The following OGT variants were observed in gnomAD, a reference collection of about 807,000 sequenced individuals.
OGT encodes the protein UDP-N-acetylglucosamine--peptide N-acetylglucosaminyltransferase 110 kDa subunit.
A neutral mutation model predicts 75.8 loss-of-function variants in OGT; 3 were observed. That is an observed-to-expected ratio of 0.04 (90% confidence interval 0.02 to 0.10). The LOEUF is 0.10. Among genes scored for constraint, OGT ranks in the 10% least tolerant of loss-of-function variants. The probability of loss-of-function intolerance (pLI) is 1.00; values close to 1 mark genes in which losing one functional copy is unlikely to be tolerated. For missense variants in OGT, 260 were observed against 824.4 expected, an observed-to-expected ratio of 0.32 and a Z score of 8.38; for synonymous variants, 257 against 289.7, an observed-to-expected ratio of 0.89 and a Z score of 1.15.
intron 1 of OGT, among the ~76,000 whole-genome samples, chrX:71,535,899 A>G (rs2040172355): frequency 8.9e-6 from 1 of 112,178 alleles, no homozygotes; most frequent in African/African-American, 3.2e-5. Flanking sequence ...TTAAAAGTAC[A>G]AAGTATTTTT....
Position 71,548,070 on chromosome X carries a change from G to C in OGT, c.648+47G>C, listed in dbSNP as rs772145761. 14 of 1,150,713 alleles carry C rather than the reference G, an allele frequency of 1.2e-5. No homozygotes were observed. The East Asian group carries it at 3.6e-4, about 30-fold the overall frequency. 94.8% of individuals were successfully genotyped at this position (1,150,713 alleles called of 1,213,427 possible). ...TGGTATTTTTGAAGTGCTTACGCAT[G>C]TAGTGTTTTTACTAGAACTAAATAA... On this transcript the variant is annotated intron_variant, in intron 5 of 21. Coordinates refer to ENST00000373719, the MANE Select transcript of OGT (RefSeq NM_181672.3).
At chrX:71,552,505 C>T (rs1361647505) in intron 5 of OGT, among the ~76,000 whole-genome samples, 1 of 107,338 alleles carries the variant, frequency 9.3e-6, no homozygotes, top group Admixed American at 1.0e-4. Context: ...TCACTTGCCT[C>T]AGCCTCCGGA....
Position 71,572,136 on chromosome X carries a change from A to T in OGT, c.2967-1484A>T, listed in dbSNP as rs1205883603. Among the ~76,000 whole-genome samples, 7 of 111,174 alleles carry T rather than the reference A, an allele frequency of 6.3e-5. No homozygotes were observed. The Admixed American group carries it at 6.7e-4, about 11-fold the overall frequency. The stretch of plus-strand genomic sequence containing the variant: ...CATTATCACTCCAGAGAGTTTCTTC[A>T]TGCTCCTTATCAGTCAGTCTTTTTC... On this transcript the variant is annotated intron_variant, in intron 21 of 21. Coordinates refer to ENST00000373719, the MANE Select transcript of OGT (RefSeq NM_181672.3).
In OGT at chrX:71,543,998, T is replaced by C. The variant is rs146811842; in HGVS notation, c.463-569T>C. Among the ~76,000 whole-genome samples, 1,048 of 109,200 alleles carry C rather than the reference T, an allele frequency of 9.6e-3. 5 individuals carry two copies. The highest frequency in any genetic ancestry group is 0.023 in the South Asian group (58 of 2,555). 94.8% of individuals were successfully genotyped at this position (109,200 alleles called of 115,157 possible). Reference sequence around the variant, plus strand: ...ATGGGGTTTCGCCATGTTGGCCAGGTTGATCTCGAACTCCTGACCTCAGGT... The same window carrying C: ...ATGGGGTTTCGCCATGTTGGCCAGGCTGATCTCGAACTCCTGACCTCAGGT... On this transcript the variant is annotated intron_variant, in intron 3 of 21. Coordinates refer to ENST00000373719, the MANE Select transcript of OGT (RefSeq NM_181672.3).
Position 71,536,486 on chromosome X carries a change from T to C in OGT, c.218+128T>C. Reference sequence around the variant, plus strand: ...TTCAACTGAGCCGCCAACGCACATCTGCTCTCTTGCCCACTTGTGACATGC... The same window carrying C: ...TTCAACTGAGCCGCCAACGCACATCCGCTCTCTTGCCCACTTGTGACATGC... On this transcript the variant is annotated intron_variant, in intron 2 of 21. Transcript: ENST00000373719. 1.0e-5 allele frequency: 5 copies of C among 482,892 alleles called. No individual in the cohort carries two copies. The South Asian group carries it at 2.9e-4, about 28-fold the overall frequency. The allele number at this position is 482,892 out of a possible 1,213,427, so 39.8% of individuals were successfully genotyped here. A position where few individuals can be genotyped will look rare whatever the true frequency, so the allele number is the denominator to read the frequency against.
intron 4 of OGT, chrX:71,544,986 A>G (rs2040249495): frequency 5.3e-6 from 1 of 187,112 alleles, no homozygotes; most frequent in South Asian, 1.5e-4. Context: ...CAAGACTCCT[A>G]TATGATGCAG....
chrX:71,550,370 GTTTTT>G (rs1315492280), intron 5 of OGT, among the ~76,000 whole-genome samples: 1 of 110,862 alleles, frequency 9.0e-6, no homozygotes, highest in African/African-American at 3.3e-5. Flanking sequence ...CTTGCCATTT[GTTTTT>G]TTTGTTTTGT....
At chrX:71,555,880 A>G (rs1254370772) in intron 7 of OGT, 74 bp from the exon 8 acceptor site, 1 of 1,101,129 alleles carries the variant, frequency 9.1e-7, no homozygotes, top group African/African-American at 1.8e-5. Flanking sequence ...GCTTAATTAA[A>G]CAATTATTAG....
chrX:71,573,028 C>T (rs888363083), intron 21 of OGT, among the ~76,000 whole-genome samples: 5 of 111,818 alleles, frequency 4.5e-5, no homozygotes, highest in South Asian at 3.7e-4. Context: ...TGGAAAATTA[C>T]GAGAGTAGAC....
chrX:71,545,968 GA>G, intron 4 of OGT: 1 of 158,070 alleles, frequency 6.3e-6, no homozygotes, highest in Non-Finnish European at 1.1e-5. Flanking sequence ...CACCTAGTTT[GA>G]AAAATGTTAT....
intron 1 of OGT, among the ~76,000 whole-genome samples, chrX:71,535,841 A>G (rs1386620854): frequency 8.9e-6 from 1 of 112,135 alleles, no homozygotes; most frequent in East Asian, 2.8e-4. Flanking sequence ...ACTAAGGTAT[A>G]AGGAATAATG....
At chrX:71,539,318 A>G (rs2040201034) in intron 3 of OGT, among the ~76,000 whole-genome samples, 1 of 112,568 alleles carries the variant, frequency 8.9e-6, no homozygotes, top group Non-Finnish European at 1.9e-5. Context: ...TAATTTTGAG[A>G]GTTTAAACGT....
At chrX:71,556,322 A>C in intron 8 of OGT, 1 of 403,341 alleles carries the variant, frequency 2.5e-6, no homozygotes, top group Non-Finnish European at 4.2e-6. Flanking sequence ...CTGTACAAAA[A>C]AATTAAACAT....
At chrX:71,565,018 A>T (rs903591362) in intron 19 of OGT, among the ~76,000 whole-genome samples, 3 of 111,081 alleles carry the variant, frequency 2.7e-5, no homozygotes, top group Non-Finnish European at 5.7e-5. Flanking sequence ...AATTAGCCGG[A>T]CATGGTGGTA....
intron 12 of OGT, among the ~76,000 whole-genome samples, chrX:71,559,007 T>G (rs1335726782): frequency 9.7e-6 from 1 of 102,926 alleles, no homozygotes; most frequent in Non-Finnish European, 2.0e-5. Context: ...GGTCTCGAAC[T>G]CCTGACCTCA....
chrX:71,534,221 A>G (rs2040158223), intron 1 of OGT: 1 of 111,437 alleles, frequency 9.0e-6, no homozygotes, highest in Non-Finnish European at 1.9e-5. Context: ...TGGGTCTGCC[A>G]TCCCCATTCT....
chrX:71,558,765 CTTTTTTTTTT>C (rs397895020), intron 12 of OGT, among the ~76,000 whole-genome samples: 4 of 61,478 alleles, frequency 6.5e-5, no homozygotes, highest in African/African-American at 1.7e-4. Context: ...TTTGCTCGTA[CTTTTTTTTTT>C]TTTTTTTTTT....
At chrX:71,562,293 C>T (rs757509273) in intron 15 of OGT, among the ~76,000 whole-genome samples, 1 of 112,655 alleles carries the variant, frequency 8.9e-6, no homozygotes, top group South Asian at 3.6e-4. Flanking sequence ...GCAAAACACC[C>T]TATCTCTACA....
chrX:71,539,946 G>A (rs1298765597), intron 3 of OGT, among the ~76,000 whole-genome samples: 1 of 112,116 alleles, frequency 8.9e-6, no homozygotes, highest in East Asian at 2.8e-4. Flanking sequence ...ATGCTGAGAA[G>A]GAAAACTAAA....
Sources: gnomAD v4.1 joint callset for allele counts (sites outside exome capture counted in the v4.1 genomes callset) on GRCh38, gnomAD v4.1.1 for gene constraint, MANE v1.5 for transcripts, NCBI Gene and HGNC (gene_info 2026-07-23, HGNC 2026-07-21) for gene names.